The following CCSER1 variants were observed in gnomAD, a reference collection of about 807,000 sequenced individuals.
CCSER1 encodes the protein serine-rich coiled-coil domain-containing protein 1.
In CCSER1, 41 loss-of-function variants were observed where a neutral mutation model predicts 82.0. That is an observed-to-expected ratio of 0.50 (90% confidence interval 0.39 to 0.65). CCSER1 has a LOEUF of 0.65. Among genes scored for constraint, CCSER1 ranks in the 30% least tolerant of loss-of-function variants. CCSER1 has a pLI of 0.00. For synonymous variants in CCSER1, 414 were observed against 383.9 expected (o/e 1.08, Z -0.92); for missense variants, 1,119 against 1,064.2 (o/e 1.05, Z -0.72).
At chr4:90,494,562 C>A (rs1261139321) in intron 5 of CCSER1, among the ~76,000 whole-genome samples, 1 of 152,084 alleles carries the variant, frequency 6.6e-6, no homozygotes, top group African/African-American at 2.4e-5. Context: ...GTTTGGTCAC[C>A]TTTGAAATTT....
At chr4:90,397,136 G>A (rs1752066697) in intron 3 of CCSER1, among the ~76,000 whole-genome samples, 2 of 152,162 alleles carry the variant, frequency 1.3e-5, no homozygotes, top group African/African-American at 4.8e-5. Context: ...CAAGAAAGTT[G>A]CTTTGTAAGC....
At chr4:90,623,635 A>G (rs1722760323) in intron 5 of CCSER1, among the ~76,000 whole-genome samples, 2 of 152,198 alleles carry the variant, frequency 1.3e-5, no homozygotes, top group South Asian at 2.1e-4. Flanking sequence ...ATCTAAATGT[A>G]CTGTTAAGTT....
rs990976155 is a variant in CCSER1, at chr4:90,857,529, A to G, written c.2094+41684A>G. Among the ~76,000 whole-genome samples the G allele has an allele frequency of 7.2e-5, 11 of 152,086 alleles. 1 individual carries two copies. Among genetic ancestry groups the G allele is most frequent in the African/African-American group, 2.7e-4 (11 of 41,424 alleles). On this transcript the variant is annotated intron_variant, in intron 8 of 10. Coordinates refer to ENST00000509176, the MANE Select transcript of CCSER1 (RefSeq NM_001145065.2). ...GCTGTATTCTATTCATTAGAAGCAG[A>G]TTACCAAATACATTGCATACATGAG...
chr4:90,191,288 C>T (rs1236779642), intron 1 of CCSER1, among the ~76,000 whole-genome samples: 1 of 151,730 alleles, frequency 6.6e-6, no homozygotes, highest in Non-Finnish European at 1.5e-5. Context: ...TTGTAACAAT[C>T]TGAGTATGGG....
At chr4:91,529,752 C>T (rs1760932123) in intron 10 of CCSER1, among the ~76,000 whole-genome samples, 1 of 152,034 alleles carries the variant, frequency 6.6e-6, no homozygotes, top group Non-Finnish European at 1.5e-5. Context: ...TTTGTTTTGA[C>T]CATCTAAGGA....
chr4:90,236,538 A>G (rs1284639164), intron 1 of CCSER1, among the ~76,000 whole-genome samples: 3 of 152,278 alleles, frequency 2.0e-5, no homozygotes, highest in Non-Finnish European at 2.9e-5. Flanking sequence ...GTGAAAGTTT[A>G]TATTTCTATT....
At chr4:90,385,817 C>G (rs560805576) in intron 3 of CCSER1, among the ~76,000 whole-genome samples, 1 of 151,752 alleles carries the variant, frequency 6.6e-6, no homozygotes. Context: ...ATATTGTTTG[C>G]CCACTTTTTA....
chr4:91,396,381 AGACTCTG>A (rs1442595142), intron 10 of CCSER1, among the ~76,000 whole-genome samples: 1 of 152,132 alleles, frequency 6.6e-6, no homozygotes, highest in Non-Finnish European at 1.5e-5. Context: ...GTTCAACTTC[AGACTCTG>A]GAACTTAGTA....
intron 5 of CCSER1, among the ~76,000 whole-genome samples, chr4:90,590,742 G>A (rs1329782039): frequency 6.6e-6 from 1 of 152,094 alleles, no homozygotes. Context: ...GATGCCTCCA[G>A]CTTTGTTCCT....
At chr4:90,931,846 G>A (rs555379460) in intron 9 of CCSER1, among the ~76,000 whole-genome samples, 2 of 152,270 alleles carry the variant, frequency 1.3e-5, no homozygotes, top group Admixed American at 1.3e-4. Context: ...AGAATAGCTA[G>A]CTTCTACCTT....
chr4:90,982,924 G>A (rs1284852271), intron 9 of CCSER1, among the ~76,000 whole-genome samples: 1 of 151,786 alleles, frequency 6.6e-6, no homozygotes, highest in African/African-American at 2.4e-5. Flanking sequence ...ATACTCACTT[G>A]CACCTTCAGG....
chr4:91,151,905 A>G (rs1450090991), intron 10 of CCSER1, among the ~76,000 whole-genome samples: 4 of 152,184 alleles, frequency 2.6e-5, no homozygotes, highest in African/African-American at 9.7e-5. Context: ...TATGTGGTCA[A>G]TTTTGGAATA....
intron 4 of CCSER1, among the ~76,000 whole-genome samples, chr4:90,424,010 G>A (rs367629819): frequency 6.6e-6 from 1 of 151,056 alleles, no homozygotes; most frequent in Non-Finnish European, 1.5e-5. Context: ...AGAATGGCGT[G>A]AACCCGGGAG....
At position 90,526,912 on chromosome 4, in the gene CCSER1, G is replaced by C. The variant is rs1773838197; in HGVS notation, c.1724+58558G>C. 3.3e-5 allele frequency among the ~76,000 whole-genome samples: 5 copies of C among 152,128 alleles called. No homozygotes were observed. The South Asian group carries it at 1.0e-3, about 31-fold the overall frequency. On this transcript the variant is annotated intron_variant, in intron 5 of 10. Transcript: ENST00000509176. ...AGTAATGGGATTGCTGGGTCAAATG[G>C]TATTTCTGGTTCTAGATCCTTGAGG... is the stretch of plus-strand genomic sequence containing the variant.
chr4:90,606,500 T>TA lies in CCSER1; in HGVS notation c.1725-21524dup, dbSNP rs1784724833. Among the ~76,000 whole-genome samples the TA allele has an allele frequency of 1.3e-5, 2 of 152,204 alleles. 1 individual carries two copies. Among genetic ancestry groups the TA allele is most frequent in the Admixed American group, 1.3e-4 (2 of 15,284 alleles). Reference sequence around the variant, plus strand: ...GATCATTGTTGTATATGCGGTCCATTATTGACCAAAATGTCATTACATGGT... The same window carrying TA: ...GATCATTGTTGTATATGCGGTCCATTAATTGACCAAAATGTCATTACATGGT... On this transcript the variant is annotated intron_variant, in intron 5 of 10. Coordinates refer to ENST00000509176, the MANE Select transcript of CCSER1 (RefSeq NM_001145065.2).
At chr4:91,324,518 A>T (rs993916769) in intron 10 of CCSER1, among the ~76,000 whole-genome samples, 3 of 152,252 alleles carry the variant, frequency 2.0e-5, no homozygotes. Context: ...TTAAAGAAAA[A>T]TATTACATAG....
rs542914838 is a variant in CCSER1, at chr4:90,962,687, A to T, written c.2172+39240A>T. Reference sequence around the variant, plus strand: ...AGAAATATTTAGTAGGGTACTGTACATTAGAGATGACAGAATATTTACTAA... The same window carrying T: ...AGAAATATTTAGTAGGGTACTGTACTTTAGAGATGACAGAATATTTACTAA... On this transcript the variant is annotated intron_variant, in intron 9 of 10. Transcript: ENST00000509176. 4.6e-5 allele frequency among the ~76,000 whole-genome samples: 7 copies of T among 152,296 alleles called. No homozygotes were observed. In the South Asian group the frequency reaches 1.5e-3, roughly 32 times the overall value.
At chr4:91,523,179 T>C (rs1050030118) in intron 10 of CCSER1, among the ~76,000 whole-genome samples, 39 of 152,228 alleles carry the variant, frequency 2.6e-4, no homozygotes, top group African/African-American at 9.2e-4. Context: ...ATTATGTTTA[T>C]TGATTTGCAT....
chr4:90,844,314 T>TA (rs1385323962), intron 8 of CCSER1, among the ~76,000 whole-genome samples: 1 of 152,084 alleles, frequency 6.6e-6, no homozygotes. Flanking sequence ...CTGTGCATGT[T>TA]AAAAAATAAT....
Sources: allele counts gnomAD v4.1 joint callset (sites outside exome capture counted in the v4.1 genomes callset), GRCh38; gene constraint gnomAD v4.1.1; transcripts MANE v1.5; gene names NCBI Gene and HGNC (gene_info 2026-07-23, HGNC 2026-07-21).